The following HMCN1 variants were observed in gnomAD, a reference collection of about 807,000 sequenced individuals.
The protein encoded by HMCN1 is hemicentin-1.
Under a neutral mutation model 625.9 loss-of-function variants are expected in HMCN1, and 321 were observed. The observed-to-expected ratio is 0.51, with a 90% CI of 0.47 to 0.56. The LOEUF (loss-of-function observed/expected upper bound fraction) is 0.56. Among genes scored for constraint, HMCN1 ranks in the 20% least tolerant of loss-of-function variants. HMCN1 has a pLI of 0.00. For synonymous variants in HMCN1, 2,425 were observed against 2,417.6 expected (o/e 1.00, Z -0.09); for missense variants, 6,588 against 6,887.3 (o/e 0.96, Z 1.54).
At chr1:185,763,202 G>T (rs1655627128) in intron 1 of HMCN1, among the ~76,000 whole-genome samples, 3 of 152,140 alleles carry the variant, frequency 2.0e-5, no homozygotes, top group Admixed American at 2.0e-4. Context: ...ATGCACAAAG[G>T]CACATGGCGA....
chr1:185,794,782 C>T (rs1190461229), intron 1 of HMCN1, among the ~76,000 whole-genome samples: 1 of 151,282 alleles, frequency 6.6e-6, no homozygotes, highest in East Asian at 1.9e-4. Context: ...TCCTTCAATC[C>T]AATCAAGTTG....
At chr1:185,790,078 G>A (rs959984676) in intron 1 of HMCN1, among the ~76,000 whole-genome samples, 1 of 152,158 alleles carries the variant, frequency 6.6e-6, no homozygotes, top group African/African-American at 2.4e-5. Flanking sequence ...GAAACACACA[G>A]ACACACACCC....
At chr1:185,819,331 C>T (rs116311416) in intron 1 of HMCN1, among the ~76,000 whole-genome samples, 3 of 151,802 alleles carry the variant, frequency 2.0e-5, no homozygotes, top group Non-Finnish European at 2.9e-5. Flanking sequence ...ACATTGAGGA[C>T]CATTGTAGGC....
chr1:186,010,395 T>C (rs114396012), intron 30 of HMCN1, among the ~76,000 whole-genome samples: 229 of 152,322 alleles, frequency 1.5e-3, no homozygotes, highest in African/African-American at 5.2e-3. Flanking sequence ...ATTTAAGCAG[T>C]GGATGCTATG....
chr1:185,893,603 CG>C (rs545062954), intron 4 of HMCN1, among the ~76,000 whole-genome samples: 1 of 152,036 alleles, frequency 6.6e-6, no homozygotes, highest in Non-Finnish European at 1.5e-5. Flanking sequence ...ACCACGGAAA[CG>C]TTTTTTTTCC....
chr1:186,081,937 G>C (rs1256007933), intron 56 of HMCN1, among the ~76,000 whole-genome samples: 1 of 152,050 alleles, frequency 6.6e-6, no homozygotes, highest in Non-Finnish European at 1.5e-5. Context: ...TACTTCTTGA[G>C]CAAAATAAAT....
intron 1 of HMCN1, among the ~76,000 whole-genome samples, chr1:185,776,442 T>TTGTGTGTG (rs57003461): frequency 0.013 from 1,931 of 147,076 alleles, 36 homozygotes; most frequent in African/African-American, 0.045. Context: ...TTGTATAGGG[T>TTGTGTGTG]TGTGTGTGTG....
chr1:186,061,529 G>A (rs927530932), intron 46 of HMCN1, among the ~76,000 whole-genome samples: 1 of 152,100 alleles, frequency 6.6e-6, no homozygotes, highest in African/African-American at 2.4e-5. Context: ...AACTATATCA[G>A]CATCTCTCAA....
At chr1:185,881,444 A>G (rs547592063) in intron 4 of HMCN1, among the ~76,000 whole-genome samples, 4 of 152,316 alleles carry the variant, frequency 2.6e-5, no homozygotes, top group African/African-American at 9.6e-5. Flanking sequence ...GTCCAGGCAT[A>G]GTCCCCAGTA....
chr1:186,153,623 C>A, intron 96 of HMCN1, 127 bp from the exon 97 acceptor site: 1 of 784,928 alleles, frequency 1.3e-6, no homozygotes, highest in Non-Finnish European at 2.3e-6. Context: ...TGTTTACCAT[C>A]ATGCATGATG....
chr1:186,146,409 A>G (rs1650320680), intron 93 of HMCN1, among the ~76,000 whole-genome samples: 1 of 152,186 alleles, frequency 6.6e-6, no homozygotes, highest in Non-Finnish European at 1.5e-5. Context: ...AAAATTCAGA[A>G]GTCTATAACT....
intron 77 of HMCN1, among the ~76,000 whole-genome samples, chr1:186,118,021 C>T (rs1661220571): frequency 6.6e-6 from 1 of 152,064 alleles, no homozygotes; most frequent in African/African-American, 2.4e-5. Context: ...ATATACTCTA[C>T]TAAGATTCTG....
chr1:186,168,974 G>A (rs1335803670), intron 100 of HMCN1, among the ~76,000 whole-genome samples: 1 of 151,950 alleles, frequency 6.6e-6, no homozygotes, highest in African/African-American at 2.4e-5. Context: ...GTGTCCATGT[G>A]TTCTCATTGT....
chr1:185,917,025 T>C (rs1001520379), intron 6 of HMCN1, among the ~76,000 whole-genome samples: 2 of 152,184 alleles, frequency 1.3e-5, no homozygotes, highest in Non-Finnish European at 2.9e-5. Context: ...TATCATGGCC[T>C]AGTGGTATAC....
Position 185,933,753 on chromosome 1 carries a change from C to A in HMCN1, c.1757C>A (p.Ala586Asp). Residue 586 changes from alanine to aspartate, a missense_variant, in exon 11 of 107, where the codon GCT (alanine) becomes GAT (aspartate). Around this residue, in one of 3 missense-constraint regions of HMCN1, gnomAD observed 4,628 missense variants for 4,853.1 expected, o/e 0.95. Transcript: ENST00000271588. ...LELKSVKFND[A>D]GEYHCMVSSE... is the part of the protein sequence containing the mutation. ...CTAAAGAGTGTGAAATTCAACGATG[C>A]TGGAGAGTATCATTGTATGGTTTCT... 6.2e-7 allele frequency: 1 copy of A among 1,613,810 alleles called. No individual in the cohort carries two copies. The highest frequency in any genetic ancestry group is 1.3e-5 in the African/African-American group (1 of 75,022).
At position 185,933,629 on chromosome 1, in the gene HMCN1, A is replaced by G. The variant is rs760363076; in HGVS notation, c.1633A>G (p.Ser545Gly). Residue 545 changes from serine to glycine, a missense_variant, in exon 11 of 107, where the codon AGT becomes GGT. By Grantham distance (56) the Ser-to-Gly change is moderately conservative. This residue lies in a region of HMCN1 where 4,628 missense variants were observed against 4,853.1 expected (regional missense o/e 0.95). Coordinates refer to ENST00000271588, the MANE Select transcript of HMCN1 (RefSeq NM_031935.3). Reference sequence around the variant, plus strand: ...AGCAGTTTTAACATGTCTCATCATCAGTGCGGTGGATTACAATCTAACCTG... The same window carrying G: ...AGCAGTTTTAACATGTCTCATCATCGGTGCGGTGGATTACAATCTAACCTG... ...ERAVLTCLII[S>G]AVDYNLTWQR... The G allele has an allele frequency of 1.9e-6, 3 of 1,614,036 alleles. No homozygotes were observed. Among genetic ancestry groups the G allele is most frequent in the South Asian group, 1.1e-5 (1 of 91,082 alleles).
intron 69 of HMCN1, 125 bp downstream of exon 69, chr1:186,103,793 A>T: frequency 2.5e-6 from 2 of 785,746 alleles, no homozygotes; most frequent in East Asian, 2.7e-5. Context: ...CTGGAGCAGG[A>T]TGGATTAGTC....
At chr1:185,991,879 T>C (rs1472581886) in intron 22 of HMCN1, among the ~76,000 whole-genome samples, 1 of 152,162 alleles carries the variant, frequency 6.6e-6, no homozygotes, top group Admixed American at 6.6e-5. Context: ...AGGGACAGTA[T>C]TGGTTGTCCA....
intron 97 of HMCN1, among the ~76,000 whole-genome samples, chr1:186,156,662 C>A (rs1263734347): frequency 6.6e-6 from 1 of 152,084 alleles, no homozygotes; most frequent in Non-Finnish European, 1.5e-5. Flanking sequence ...CTATGAAAAT[C>A]ACAGAAATAG....
Sources: gnomAD v4.1 joint callset for allele counts (sites outside exome capture counted in the v4.1 genomes callset) on GRCh38, gnomAD v4.1.1 for gene constraint, gnomAD v4.1.1 regional missense constraint, MANE v1.5 for transcripts, NCBI Gene and HGNC (gene_info 2026-07-23, HGNC 2026-07-21) for gene names.